Variants in C12orf42 observed in about 807,000 individuals in gnomAD.
The protein encoded by C12orf42 is chromosome 12 open reading frame 42.
Under a neutral mutation model 21.6 loss-of-function variants are expected in C12orf42, and 25 were observed. The ratio of observed to expected loss-of-function variants is 1.16; its 90% CI spans 0.84 to 1.62. The LOEUF is 1.62. C12orf42 is among the 40% of genes most tolerant of loss of function. The probability of loss-of-function intolerance (pLI) is 0.00; values close to 1 mark genes in which losing one functional copy is unlikely to be tolerated. For synonymous variants in C12orf42, 174 were observed against 175.0 expected, an observed-to-expected ratio of 0.99 and a Z score of 0.05; for missense variants, 483 against 459.3, an observed-to-expected ratio of 1.05 and a Z score of -0.47.
chr12:103,112,080 C>T, the C12orf42 span, among the ~76,000 whole-genome samples: 1 of 152,082 alleles, frequency 6.6e-6, no homozygotes, highest in Admixed American at 6.5e-5. Context: ...TAAATAATGC[C>T]CAACTTAAAT....
chr12:103,214,841 C>T, the C12orf42 span, among the ~76,000 whole-genome samples: 5 of 151,982 alleles, frequency 3.3e-5, no homozygotes, highest in Non-Finnish European at 7.4e-5. Context: ...TTGTTGATGC[C>T]GTGCCACCAT....
At chr12:103,547,227 C>T in the C12orf42 span, among the ~76,000 whole-genome samples, 6 of 152,232 alleles carry the variant, frequency 3.9e-5, no homozygotes, top group Non-Finnish European at 7.3e-5. Flanking sequence ...TGGCTATTTA[C>T]ATTTAAACTA....
intron 4 of C12orf42, among the ~76,000 whole-genome samples, chr12:103,291,499 C>T (rs2036820907): frequency 6.6e-6 from 1 of 152,158 alleles, no homozygotes; most frequent in South Asian, 2.1e-4. Context: ...GCTCCACAGA[C>T]AGAGCAGGGC....
chr12:103,244,146 A>G (rs1283898544), intron 10 of C12orf42, among the ~76,000 whole-genome samples: 2 of 152,180 alleles, frequency 1.3e-5, no homozygotes, highest in African/African-American at 4.8e-5. Context: ...ATGTTACCAA[A>G]GAAAACATTC....
chr12:103,369,089 G>T, intron 3 of C12orf42, 91 bp from the exon 4 acceptor site: 1 of 565,136 alleles, frequency 1.8e-6, no homozygotes, highest in Non-Finnish European at 3.1e-6. Flanking sequence ...CTTCCCTAAA[G>T]TGAGTGACAT....
At chr12:103,416,980 C>T (rs1243120707) in intron 2 of C12orf42, among the ~76,000 whole-genome samples, 1 of 152,182 alleles carries the variant, frequency 6.6e-6, no homozygotes, top group Non-Finnish European at 1.5e-5. Flanking sequence ...TATTTTCAAA[C>T]ATGGACTTTG....
At chr12:103,166,351 G>A in the C12orf42 span, among the ~76,000 whole-genome samples, 1 of 152,138 alleles carries the variant, frequency 6.6e-6, no homozygotes, top group African/African-American at 2.4e-5. Flanking sequence ...AAAAAAGTTA[G>A]CTATTATTGT....
chr12:103,084,101 C>T, the C12orf42 span, among the ~76,000 whole-genome samples: 1 of 152,088 alleles, frequency 6.6e-6, no homozygotes, highest in Non-Finnish European at 1.5e-5. Flanking sequence ...GAATTGGCAC[C>T]TAAATATTTA....
At chr12:103,124,453 G>T in the C12orf42 span, among the ~76,000 whole-genome samples, 2 of 152,034 alleles carry the variant, frequency 1.3e-5, no homozygotes, top group Admixed American at 1.3e-4. Flanking sequence ...AACCTGGATG[G>T]GTTGTTTATA....
chr12:103,225,487 A>G, the C12orf42 span, among the ~76,000 whole-genome samples: 1 of 152,078 alleles, frequency 6.6e-6, no homozygotes, highest in Non-Finnish European at 1.5e-5. Context: ...ATGATCGGTC[A>G]CCAAGGAGGG....
intron 4 of C12orf42, among the ~76,000 whole-genome samples, chr12:103,283,502 T>C (rs949700092): frequency 1.3e-5 from 2 of 152,224 alleles, no homozygotes; most frequent in Non-Finnish European, 2.9e-5. Flanking sequence ...TGGCCTCCAC[T>C]AACTCATCCA....
chr12:103,290,812 G>T (rs768830611), intron 4 of C12orf42, among the ~76,000 whole-genome samples: 4 of 152,048 alleles, frequency 2.6e-5, no homozygotes, highest in Non-Finnish European at 5.9e-5. Flanking sequence ...TTTTCTGGAT[G>T]CACTTTAGAA....
At chr12:103,332,759 T>C (rs760595461) in intron 4 of C12orf42, among the ~76,000 whole-genome samples, 4 of 152,186 alleles carry the variant, frequency 2.6e-5, no homozygotes, top group Admixed American at 6.5e-5. Context: ...TGGAAATAGG[T>C]TCCTTACAGA....
At chr12:103,360,564 C>A (rs2044004847) in intron 4 of C12orf42, among the ~76,000 whole-genome samples, 1 of 152,082 alleles carries the variant, frequency 6.6e-6, no homozygotes, top group African/African-American at 2.4e-5. Context: ...AATCTCAACT[C>A]TCAAGATCCT....
chr12:103,513,518 T>C, the C12orf42 span, among the ~76,000 whole-genome samples: 2 of 152,208 alleles, frequency 1.3e-5, no homozygotes, highest in South Asian at 4.1e-4. Flanking sequence ...GAAAAAGTCC[T>C]GATTAATACA....
chr12:103,522,878 A>G, the C12orf42 span, among the ~76,000 whole-genome samples: 4 of 152,248 alleles, frequency 2.6e-5, no homozygotes, highest in African/African-American at 7.2e-5. Flanking sequence ...AGGGGAGCCA[A>G]ACTTCCACAG....
chr12:103,086,244 A>G, the C12orf42 span, among the ~76,000 whole-genome samples: 2 of 152,120 alleles, frequency 1.3e-5, no homozygotes, highest in Non-Finnish European at 2.9e-5. Context: ...CCAAAGAGTT[A>G]CTTTACTTAA....
At chr12:103,141,967 T>C in the C12orf42 span, among the ~76,000 whole-genome samples, 1 of 152,104 alleles carries the variant, frequency 6.6e-6, no homozygotes, top group East Asian at 1.9e-4. Flanking sequence ...AAATGAACAT[T>C]GAGACTCCCA....
the C12orf42 span, among the ~76,000 whole-genome samples, chr12:103,098,448 A>T: frequency 6.6e-6 from 1 of 152,344 alleles, no homozygotes; most frequent in South Asian, 2.1e-4. Context: ...ATACCAGAGA[A>T]ACTATTTTTT....
Sources: gnomAD v4.1 joint callset for allele counts (sites outside exome capture counted in the v4.1 genomes callset) on GRCh38, gnomAD v4.1.1 for gene constraint, MANE v1.5 for transcripts, NCBI Gene and HGNC (gene_info 2026-07-23, HGNC 2026-07-21) for gene names.